DOCK2: variants seen among roughly 807,000 people sequenced by gnomAD.
DOCK2 encodes dedicator of cytokinesis protein 2.
Under a neutral mutation model 248.9 loss-of-function variants are expected in DOCK2, and 87 were observed. The ratio of observed to expected loss-of-function variants is 0.35; its 90% CI spans 0.29 to 0.42. DOCK2 has a LOEUF of 0.42. Ranked by LOEUF, DOCK2 falls within the 10% of genes least tolerant of loss-of-function variation. DOCK2 has a pLI of 1.00. For missense variants in DOCK2, 1,747 were observed against 2,300.2 expected, an observed-to-expected ratio of 0.76 and a Z score of 4.92; for synonymous variants, 805 against 821.6, an observed-to-expected ratio of 0.98 and a Z score of 0.35.
chr5:169,977,512 A>G (rs1234260398), intron 27 of DOCK2, among the ~76,000 whole-genome samples: 2 of 152,196 alleles, frequency 1.3e-5, no homozygotes, highest in Admixed American at 1.3e-4. Flanking sequence ...TGAAGTAAGG[A>G]ATATTTTTAT....
chr5:169,994,753 C>G (rs1053965183), intron 29 of DOCK2, among the ~76,000 whole-genome samples: 5 of 152,074 alleles, frequency 3.3e-5, no homozygotes, highest in Admixed American at 3.3e-4. Flanking sequence ...AGGTTGGGGT[C>G]CCATCATGAG....
intron 41 of DOCK2, among the ~76,000 whole-genome samples, chr5:170,052,337 T>G (rs1168289478): frequency 6.6e-6 from 1 of 152,202 alleles, no homozygotes; most frequent in Non-Finnish European, 1.5e-5. Flanking sequence ...GGATTAGTTC[T>G]AAGGCTTTTC....
chr5:169,994,979 G>T (rs1754549557), intron 29 of DOCK2, among the ~76,000 whole-genome samples: 1 of 151,896 alleles, frequency 6.6e-6, no homozygotes, highest in African/African-American at 2.4e-5. Context: ...AAATTGACAA[G>T]TACCAAAATG....
chr5:169,657,634 G>A (rs1758197599), intron 2 of DOCK2, among the ~76,000 whole-genome samples: 2 of 152,158 alleles, frequency 1.3e-5, no homozygotes, highest in Admixed American at 6.5e-5. Context: ...AGTCATATTT[G>A]GTTGACATCT....
At chr5:169,809,786 C>A (rs1581222703) in intron 26 of DOCK2, among the ~76,000 whole-genome samples, 1 of 152,222 alleles carries the variant, frequency 6.6e-6, no homozygotes. Context: ...TTGTGCAGCA[C>A]CCTCTCACTT....
chr5:169,792,958 C>T (rs762301319), intron 25 of DOCK2, among the ~76,000 whole-genome samples: 9 of 152,208 alleles, frequency 5.9e-5, no homozygotes, highest in Admixed American at 3.9e-4. Flanking sequence ...CCAGCAGCTG[C>T]AGGCAAGTGC....
chr5:169,708,322 A>C, intron 15 of DOCK2, 55 bp downstream of exon 15: 1 of 1,534,606 alleles, frequency 6.5e-7, no homozygotes, highest in Non-Finnish European at 9.0e-7. Context: ...TGAACCAGGC[A>C]CTGTTTTAAG....
rs67124138 is a variant in DOCK2, at chr5:169,853,804, C to CTTT, written c.2799+12995_2799+12997dup. Among the ~76,000 whole-genome samples, 22 of 56,854 alleles carry CTTT rather than the reference C, an allele frequency of 3.9e-4. 4 individuals carry two copies. The highest frequency in any genetic ancestry group is 1.1e-3 in the East Asian group (2 of 1,812). 37.3% of individuals were successfully genotyped at this position (56,854 alleles called of 152,430 possible). A position where few individuals can be genotyped will look rare whatever the true frequency, so the allele number is the denominator to read the frequency against. ...TTCCTTCTATAATCAGGAAAAACAA[C>CTTT]TTTTTTTTTTTTTTTTTTTTTTTTT... On this transcript the variant is annotated intron_variant, in intron 27 of 51. Coordinates refer to ENST00000520908, the MANE Select transcript of DOCK2 (RefSeq NM_004946.3).
chr5:170,027,606 C>A (rs1755964293), intron 33 of DOCK2, among the ~76,000 whole-genome samples: 1 of 152,186 alleles, frequency 6.6e-6, no homozygotes, highest in African/African-American at 2.4e-5. Context: ...CCCTCTCTCC[C>A]TCTCCTGCAC....
chr5:169,806,624 C>T (rs1440213631), intron 26 of DOCK2, among the ~76,000 whole-genome samples: 1 of 152,186 alleles, frequency 6.6e-6, no homozygotes, highest in Non-Finnish European at 1.5e-5. Context: ...TGATCCCCAC[C>T]CTTCGCTTAT....
chr5:169,965,924 G>C (rs1364405623), intron 27 of DOCK2, among the ~76,000 whole-genome samples: 1 of 152,186 alleles, frequency 6.6e-6, no homozygotes, highest in Non-Finnish European at 1.5e-5. Context: ...TCCAGGAACA[G>C]ATTATCCACT....
intron 9 of DOCK2, among the ~76,000 whole-genome samples, chr5:169,690,036 G>A (rs562688869): frequency 3.4e-4 from 51 of 152,028 alleles, no homozygotes; most frequent in African/African-American, 1.1e-3. Context: ...GTTTCCATAA[G>A]GGTGTGAAGA....
At chr5:169,947,920 G>A (rs1424724746) in intron 27 of DOCK2, among the ~76,000 whole-genome samples, 4 of 152,118 alleles carry the variant, frequency 2.6e-5, no homozygotes, top group African/African-American at 9.7e-5. Flanking sequence ...ATGTCACACC[G>A]TGCAGTGCCG....
rs562365230 is a variant in DOCK2 at position 169,895,935 on chromosome 5, G to A, written c.2799+55083G>A. On this transcript the variant is annotated intron_variant, in intron 27 of 51. Coordinates refer to ENST00000520908, the MANE Select transcript of DOCK2 (RefSeq NM_004946.3). ...CTTCTTCCCTATTTTCTGGCCTGGA[G>A]ATGTCCCCGATTACCACTACCCTTG... Among the ~76,000 whole-genome samples the A allele has an allele frequency of 2.4e-3, 368 of 152,318 alleles. 19 individuals carry two copies. The South Asian group carries it at 0.073, about 30-fold the overall frequency.
chr5:169,759,268 T>C (rs2113732370), intron 23 of DOCK2, among the ~76,000 whole-genome samples: 2 of 152,400 alleles, frequency 1.3e-5, no homozygotes, highest in East Asian at 3.9e-4. Flanking sequence ...TCACCATTTA[T>C]TGAGCACTAA....
At chr5:169,674,650 C>CT (rs1347790777) in intron 6 of DOCK2, among the ~76,000 whole-genome samples, 2 of 152,188 alleles carry the variant, frequency 1.3e-5, no homozygotes, top group African/African-American at 4.8e-5. Flanking sequence ...AAGGCTTGTA[C>CT]TTAACATGGT....
intron 27 of DOCK2, among the ~76,000 whole-genome samples, chr5:169,925,579 T>A (rs2909779): frequency 0.66 from 53,093 of 80,374 alleles, 17,175 homozygotes; most frequent in East Asian, 0.78. Context: ...GACTCTGTCT[T>A]AAAAAAAAAA....
At chr5:169,905,190 G>A (rs1053167250) in intron 27 of DOCK2, among the ~76,000 whole-genome samples, 1 of 152,148 alleles carries the variant, frequency 6.6e-6, no homozygotes, top group Non-Finnish European at 1.5e-5. Flanking sequence ...AGCCAGCTGG[G>A]AGCAAGCTAG....
intron 23 of DOCK2, among the ~76,000 whole-genome samples, chr5:169,752,817 A>G (rs1763972818): frequency 6.6e-6 from 1 of 152,182 alleles, no homozygotes; most frequent in Non-Finnish European, 1.5e-5. Flanking sequence ...CTGTAATCCC[A>G]GCACTTTGGG....
Sources: allele counts gnomAD v4.1 joint callset (sites outside exome capture counted in the v4.1 genomes callset), GRCh38; gene constraint gnomAD v4.1.1; transcripts MANE v1.5; gene names NCBI Gene and HGNC (gene_info 2026-07-23, HGNC 2026-07-21).